The following STK32B variants were observed in gnomAD, a reference collection of about 807,000 sequenced individuals.
The protein encoded by STK32B is serine/threonine-protein kinase 32B.
STK32B carries 43 observed loss-of-function variants against 52.6 expected under a neutral mutation model. That is an observed-to-expected ratio of 0.82 (90% CI 0.64 to 1.05). The LOEUF is 1.05. STK32B is among the 50% of genes least tolerant of loss of function. The pLI is 0.00. For missense variants in STK32B, 621 were observed against 534.6 expected (o/e 1.16, Z -1.59); for synonymous variants, 238 against 204.3 (o/e 1.17, Z -1.41).
intron 6 of STK32B, chr4:5,438,006 G>T: frequency 1.0e-6 from 1 of 985,510 alleles, no homozygotes; most frequent in South Asian, 4.7e-5. Flanking sequence ...GATCATGACA[G>T]CCAGGACAGG....
intron 4 of STK32B, among the ~76,000 whole-genome samples, chr4:5,376,462 G>A (rs1735594366): frequency 6.6e-6 from 1 of 151,640 alleles, no homozygotes; most frequent in East Asian, 2.0e-4. Flanking sequence ...TTTGGCCTAG[G>A]CGTCCACCTG....
chr4:5,058,668 T>C lies in STK32B; in HGVS notation c.52+6753T>C, dbSNP rs1311611771. On this transcript the variant is annotated intron_variant, in intron 1 of 11. Coordinates refer to ENST00000282908, the MANE Select transcript of STK32B (RefSeq NM_018401.3). This position sits in a 1 kb window ranked among gnomAD's most constrained non-coding sequence, Gnocchi z 4.8. ...GCCTCAACCTCCCCGGCTCAAGCAA[T>C]CCTCCTGTGTCAGCCTACAAAGTAG... Among the ~76,000 whole-genome samples, 3 of 152,182 alleles carry C rather than the reference T, an allele frequency of 2.0e-5. No homozygotes were observed. Among genetic ancestry groups the C allele is most frequent in the Non-Finnish European group, 2.9e-5 (2 of 68,024 alleles).
the STK32B span, among the ~76,000 whole-genome samples, chr4:5,031,709 T>C: frequency 6.6e-6 from 1 of 152,220 alleles, no homozygotes; most frequent in Non-Finnish European, 1.5e-5. Flanking sequence ...TGTAAGAAGC[T>C]GCACGTTACA....
intron 3 of STK32B, among the ~76,000 whole-genome samples, chr4:5,277,630 A>G (rs1188770971): frequency 6.6e-6 from 1 of 152,180 alleles, no homozygotes; most frequent in Non-Finnish European, 1.5e-5. Flanking sequence ...TGTTTTACTC[A>G]CTAAAAAAAA....
rs952813163 is a variant in STK32B at position 5,495,094 on chromosome 4, C to G, written c.1107-3851C>G. Among the ~76,000 whole-genome samples, 214 of 152,208 alleles carry G rather than the reference C, an allele frequency of 1.4e-3. 1 individual carries two copies. Among genetic ancestry groups the G allele is most frequent in the Non-Finnish European group, 2.4e-3 (164 of 68,022 alleles). ...TCGAGGAGTATCTTTGTGGCATTCT[C>G]TGTATTTCGTGAATCTGAATGTTGG... On this transcript the variant is annotated intron_variant, in intron 11 of 11. Transcript: ENST00000282908.
Position 5,171,391 on chromosome 4 carries a change from G to A in STK32B, c.260+2941G>A, listed in dbSNP as rs578030194. On this transcript the variant is annotated intron_variant, in intron 3 of 11. Coordinates refer to ENST00000282908, the MANE Select transcript of STK32B (RefSeq NM_018401.3). ...ACATGAAGTCCTTGCCCATGCCTATGTCCTGAATGGTATTGCCTAGGTTTT... is the reference window on the plus strand; with the variant it reads ...ACATGAAGTCCTTGCCCATGCCTATATCCTGAATGGTATTGCCTAGGTTTT... 1.2e-3 allele frequency among the ~76,000 whole-genome samples: 177 copies of A among 151,926 alleles called. 2 individuals carry two copies. The highest frequency in any genetic ancestry group is 4.2e-3 in the African/African-American group (173 of 41,524).
At position 5,400,160 on chromosome 4, in the gene STK32B, T is replaced by G. The variant is rs1176806111; in HGVS notation, c.472+1916T>G. Among the ~76,000 whole-genome samples, 1 of 152,212 alleles carries G rather than the reference T, an allele frequency of 6.6e-6. No homozygotes were observed. Among genetic ancestry groups the G allele is most frequent in the Non-Finnish European group, 1.5e-5 (1 of 68,038 alleles). ...AACCCAGGACTGCCTGGCTTCATAG[T>G]TCTGGCTCCATCCTCACAGACCTTG... On this transcript the variant is annotated intron_variant, in intron 5 of 11. Coordinates refer to ENST00000282908, the MANE Select transcript of STK32B (RefSeq NM_018401.3). This position sits in a 1 kb window ranked among gnomAD's most constrained non-coding sequence, Gnocchi z 6.1.
intron 3 of STK32B, among the ~76,000 whole-genome samples, chr4:5,313,692 T>C (rs11732911): frequency 0.32 from 48,777 of 152,024 alleles, 12,636 homozygotes; most frequent in African/African-American, 0.72. Context: ...AGCAAGGTTG[T>C]GGTCTACAAC....
chr4:5,133,301 A>G (rs1715888389), intron 1 of STK32B, among the ~76,000 whole-genome samples: 2 of 152,172 alleles, frequency 1.3e-5, no homozygotes, highest in South Asian at 2.1e-4. Flanking sequence ...TCCCCAAAAT[A>G]TTTTTTGAAT....
intron 6 of STK32B, among the ~76,000 whole-genome samples, chr4:5,442,435 T>G (rs1714878307): frequency 6.6e-6 from 1 of 151,792 alleles, no homozygotes; most frequent in African/African-American, 2.4e-5. Context: ...ACCCCTGCCT[T>G]TTTTTGTTTT....
At chr4:5,459,490 C>G (rs952710581) in intron 8 of STK32B, among the ~76,000 whole-genome samples, 7 of 152,318 alleles carry the variant, frequency 4.6e-5, no homozygotes, top group Middle Eastern at 3.4e-3. Context: ...ATTCTTGGCC[C>G]CTGTGCCTTT....
chr4:5,347,618 C>T (rs1262659907), intron 4 of STK32B, among the ~76,000 whole-genome samples: 1 of 152,142 alleles, frequency 6.6e-6, no homozygotes, highest in Non-Finnish European at 1.5e-5. Context: ...TGGTTTGGCT[C>T]TGTGTCCCCA....
At position 5,395,868 on chromosome 4, in the gene STK32B, G is replaced by C. The variant is rs898854109; in HGVS notation, c.435-2339G>C. On this transcript the variant is annotated intron_variant, in intron 4 of 11. Transcript: ENST00000282908. This position sits in a 1 kb window ranked among gnomAD's most constrained non-coding sequence, Gnocchi z 4.4. The stretch of plus-strand genomic sequence containing the variant: ...CCAAACAGAACAGCCCCTTTCCTTG[G>C]CTCTGTGGGGTCTAGGGACCAAGGT... 6.6e-6 allele frequency among the ~76,000 whole-genome samples: 1 copy of C among 152,222 alleles called. No individual in the cohort carries two copies. Among genetic ancestry groups the C allele is most frequent in the African/African-American group, 2.4e-5 (1 of 41,464 alleles).
intron 1 of STK32B, among the ~76,000 whole-genome samples, chr4:5,098,049 G>A (rs1406591817): frequency 6.6e-6 from 1 of 152,202 alleles, no homozygotes; most frequent in Non-Finnish European, 1.5e-5. Context: ...AGGCTAGCCT[G>A]TGCTTGGCCA....
chr4:5,119,060 T>C (rs773487252), intron 1 of STK32B, among the ~76,000 whole-genome samples: 5 of 152,228 alleles, frequency 3.3e-5, no homozygotes, highest in Non-Finnish European at 7.3e-5. Flanking sequence ...CATATCTGTT[T>C]ATGTAATCTG....
chr4:5,479,855 G>A (rs1431242632), intron 11 of STK32B, among the ~76,000 whole-genome samples: 1 of 152,218 alleles, frequency 6.6e-6, no homozygotes, highest in South Asian at 2.1e-4. Flanking sequence ...TTGGGGTTTT[G>A]TTTTGGGGCG....
At chr4:5,368,447 T>A (rs941247735) in intron 4 of STK32B, among the ~76,000 whole-genome samples, 2 of 151,522 alleles carry the variant, frequency 1.3e-5, no homozygotes, top group Non-Finnish European at 2.9e-5. Context: ...ATGAGTTAGG[T>A]CTACTATTAT....
chr4:5,256,339 G>A (rs987536365), intron 3 of STK32B, among the ~76,000 whole-genome samples: 35 of 152,338 alleles, frequency 2.3e-4, no homozygotes, highest in Non-Finnish European at 2.1e-4. Flanking sequence ...TATCAAAAGA[G>A]TGTTTAAGCT....
chr4:5,145,966 A>G (rs76488513), intron 2 of STK32B, among the ~76,000 whole-genome samples: 11,986 of 152,134 alleles, frequency 0.079, 1,295 homozygotes, highest in African/African-American at 0.25. Flanking sequence ...TTACTTTCTA[A>G]AAGTTTTATA....
Sources: gnomAD v4.1 joint callset for allele counts (sites outside exome capture counted in the v4.1 genomes callset) on GRCh38, gnomAD v4.1.1 for gene constraint, Gnocchi (gnomAD v3.1) non-coding constraint, MANE v1.5 for transcripts, NCBI Gene and HGNC (gene_info 2026-07-23, HGNC 2026-07-21) for gene names.